MYO3B: variants seen among roughly 807,000 people sequenced by gnomAD.
MYO3B encodes the protein myosin IIIB.
MYO3B carries 156 observed loss-of-function variants against 174.6 expected under a neutral mutation model. The ratio of observed to expected loss-of-function variants is 0.89; its 90% CI spans 0.78 to 1.02. The LOEUF (loss-of-function observed/expected upper bound fraction) is 1.02. MYO3B is among the 50% of genes least tolerant of loss of function. The pLI, the probability that MYO3B is intolerant of heterozygous loss-of-function variation, is 0.00. For missense variants in MYO3B, 1,632 were observed against 1,639.4 expected (o/e 1.00, Z 0.08); for synonymous variants, 563 against 569.1 (o/e 0.99, Z 0.15).
At chr2:170,215,165 CA>C (rs1273610108) in intron 5 of MYO3B, among the ~76,000 whole-genome samples, 1 of 152,208 alleles carries the variant, frequency 6.6e-6, no homozygotes, top group Non-Finnish European at 1.5e-5. Context: ...TCTTCTTTTG[CA>C]TATGAAAAGA....
chr2:170,237,261 A>G (rs1253045942), intron 7 of MYO3B, among the ~76,000 whole-genome samples: 1 of 152,216 alleles, frequency 6.6e-6, no homozygotes, highest in Non-Finnish European at 1.5e-5. Context: ...GTAATAAGTC[A>G]GAAAATGGGA....
At chr2:170,201,806 G>T (rs756470954) in intron 3 of MYO3B, among the ~76,000 whole-genome samples, 4 of 149,052 alleles carry the variant, frequency 2.7e-5, no homozygotes, top group Non-Finnish European at 4.4e-5. Context: ...TGGGGTCTCT[G>T]ATTATATTTG....
At chr2:170,531,498 C>G (rs1689351654) in intron 30 of MYO3B, among the ~76,000 whole-genome samples, 1 of 152,086 alleles carries the variant, frequency 6.6e-6, no homozygotes, top group African/African-American at 2.4e-5. Context: ...CAATATCTAC[C>G]TCACCAAGAC....
At chr2:170,331,336 A>G (rs1435613802) in intron 7 of MYO3B, among the ~76,000 whole-genome samples, 3 of 152,178 alleles carry the variant, frequency 2.0e-5, no homozygotes, top group African/African-American at 7.2e-5. Context: ...TTATAAAGAA[A>G]TTCCAGCTAC....
At chr2:170,357,353 T>TATA (rs1558920252) in intron 8 of MYO3B, among the ~76,000 whole-genome samples, 9 of 134,990 alleles carry the variant, frequency 6.7e-5, no homozygotes, top group Admixed American at 1.5e-4. Context: ...ATATATATAT[T>TATA]TTATATATTA....
At chr2:170,619,734 A>ATTT (rs1553539465) in intron 32 of MYO3B, among the ~76,000 whole-genome samples, 7 of 33,512 alleles carry the variant, frequency 2.1e-4, no homozygotes, top group African/African-American at 4.1e-4. Flanking sequence ...CTGCTGCCAT[A>ATTT]TTCTTTTTTT....
chr2:170,286,357 A>G lies in MYO3B; in HGVS notation c.750-49028A>G, dbSNP rs568498992. On this transcript the variant is annotated intron_variant, in intron 7 of 34. Transcript: ENST00000408978. ...AAGCTGGGGGCATGAATATATGTCA[A>G]TAATTCTACACTGATCTTGGGGTCT... Among the ~76,000 whole-genome samples the G allele has an allele frequency of 1.8e-4, 28 of 152,296 alleles. 1 individual carries two copies. The South Asian group carries it at 3.9e-3, about 21-fold the overall frequency.
intron 7 of MYO3B, chr2:170,332,175 T>A (rs2093916485): frequency 6.6e-6 from 1 of 152,200 alleles, no homozygotes; most frequent in Non-Finnish European, 1.5e-5. Context: ...CCGGGTGGGA[T>A]GCAGCCTTAA....
At chr2:170,292,213 C>G (rs1037157648) in intron 7 of MYO3B, among the ~76,000 whole-genome samples, 1 of 152,118 alleles carries the variant, frequency 6.6e-6, no homozygotes, top group Admixed American at 6.5e-5. Context: ...TATTGAGAGT[C>G]TCTAATGAGT....
chr2:170,427,763 A>G (rs2094676394), intron 22 of MYO3B, among the ~76,000 whole-genome samples: 1 of 152,204 alleles, frequency 6.6e-6, no homozygotes, highest in African/African-American at 2.4e-5. Flanking sequence ...TGGAATAGTC[A>G]TTCTTTAAAA....
chr2:170,623,754 T>G (rs1355868423), intron 32 of MYO3B, among the ~76,000 whole-genome samples: 1 of 152,150 alleles, frequency 6.6e-6, no homozygotes, highest in Non-Finnish European at 1.5e-5. Context: ...TTTTGTATAA[T>G]GTGTAACAAA....
At chr2:170,420,517 C>A in intron 22 of MYO3B, among the ~76,000 whole-genome samples, 1 of 152,124 alleles carries the variant, frequency 6.6e-6, no homozygotes, top group East Asian at 1.9e-4. Context: ...GGATTTCTTC[C>A]AGCACCAGCC....
intron 32 of MYO3B, chr2:170,643,648 A>C (rs1360206904): frequency 6.6e-6 from 1 of 152,244 alleles, no homozygotes; most frequent in Non-Finnish European, 1.5e-5. Flanking sequence ...TGGCAAATGA[A>C]CCTGAGAACG....
chr2:170,224,540 A>G (rs1262595389), intron 6 of MYO3B, among the ~76,000 whole-genome samples: 2 of 152,140 alleles, frequency 1.3e-5, no homozygotes, highest in African/African-American at 2.4e-5. Context: ...GGAGTGTGAG[A>G]CATCATTTTA....
chr2:170,237,149 C>T (rs1413869231), intron 7 of MYO3B, among the ~76,000 whole-genome samples: 7 of 152,032 alleles, frequency 4.6e-5, no homozygotes, highest in Non-Finnish European at 1.0e-4. Context: ...CAGGTCACAG[C>T]GATTAGAGGA....
At chr2:170,550,037 T>G (rs1166813004) in intron 32 of MYO3B, among the ~76,000 whole-genome samples, 1 of 152,238 alleles carries the variant, frequency 6.6e-6, no homozygotes, top group Non-Finnish European at 1.5e-5. Context: ...TGGGCATCTC[T>G]GTCCCATACC....
At chr2:170,556,132 G>T (rs1400654027) in intron 32 of MYO3B, among the ~76,000 whole-genome samples, 1 of 151,824 alleles carries the variant, frequency 6.6e-6, no homozygotes, top group African/African-American at 2.4e-5. Flanking sequence ...GGAGGCAGAG[G>T]TTGCAGTGAG....
intron 25 of MYO3B, among the ~76,000 whole-genome samples, chr2:170,476,079 C>CA (rs200978375): frequency 3.9e-5 from 6 of 152,064 alleles, no homozygotes; most frequent in Admixed American, 1.3e-4. Context: ...CCTGTCCCCC[C>CA]CCACAGGACA....
At chr2:170,399,915 G>A (rs1035425665) in intron 16 of MYO3B, among the ~76,000 whole-genome samples, 2 of 152,184 alleles carry the variant, frequency 1.3e-5, no homozygotes, top group African/African-American at 2.4e-5. Flanking sequence ...AGTTCCAGCC[G>A]GCAATAATGA....
Sources: gnomAD v4.1 joint callset for allele counts (sites outside exome capture counted in the v4.1 genomes callset) on GRCh38, gnomAD v4.1.1 for gene constraint, MANE v1.5 for transcripts, NCBI Gene and HGNC (gene_info 2026-07-23, HGNC 2026-07-21) for gene names.